MAP3K2: variants seen among roughly 807,000 people sequenced by gnomAD.
MAP3K2 encodes MAP/ERK kinase kinase 2.
MAP3K2 carries 24 observed loss-of-function variants against 80.3 expected under a neutral mutation model. The observed-to-expected ratio is 0.30, with a 90% CI of 0.22 to 0.42. The LOEUF (loss-of-function observed/expected upper bound fraction) is 0.42, where lower values mean the gene tolerates loss of function less well. Ranked by LOEUF, MAP3K2 falls within the 10% of genes least tolerant of loss-of-function variation. The probability of loss-of-function intolerance (pLI) is 1.00; values close to 1 mark genes in which losing one functional copy is unlikely to be tolerated. For missense variants in MAP3K2, 608 were observed against 750.1 expected (o/e 0.81, Z 2.21); for synonymous variants, 244 against 253.7 (o/e 0.96, Z 0.36).
rs931956808 is a variant in MAP3K2, at chr2:127,304,948, A to G, written c.*2631T>C. The G allele has an allele frequency of 6.6e-6, 1 of 152,654 alleles. No homozygotes were observed. The allele number at this position is 152,654 out of a possible 1,614,324, so 9.5% of individuals were successfully genotyped here. The stretch of plus-strand genomic sequence containing the variant: ...TTAGTCTATTTTTAAGTCTTTACAT[A>G]AAGAACATTACTTTCCCATAGCTAA... On this transcript the variant is annotated 3_prime_UTR_variant, in exon 17 of 17. Transcript: ENST00000682094.
At chr2:127,388,071 C>T (rs1218640289), upstream of MAP3K2, 32 of 983,918 alleles carry the variant, frequency 3.3e-5, no homozygotes, top group East Asian at 1.1e-4. Context: ...GCGCGCCCGG[C>T]CCAGGGGAGT....
chr2:127,351,955 C>A (rs1034648472), intron 1 of MAP3K2, among the ~76,000 whole-genome samples: 52 of 152,024 alleles, frequency 3.4e-4, no homozygotes, highest in African/African-American at 1.3e-3. Context: ...TGGCTCGCTG[C>A]AGCCTTGACC....
rs114237520 is a variant in MAP3K2, at chr2:127,348,595, T to C, written c.-65-5401A>G. 7.7e-3 allele frequency among the ~76,000 whole-genome samples: 1,174 copies of C among 152,078 alleles called. 28 individuals carry two copies. Among genetic ancestry groups the C allele is most frequent in the African/African-American group, 0.027 (1,130 of 41,428 alleles). ...TTTCCTAAAGCCAGGGTATGGGAAA[T>C]GGGGAATGACTGTGAATGAGTATGA... is the stretch of plus-strand genomic sequence containing the variant. On this transcript the variant is annotated intron_variant, in intron 1 of 16. Transcript: ENST00000682094.
chr2:127,356,281 T>G (rs1423851503), intron 1 of MAP3K2, among the ~76,000 whole-genome samples: 2 of 152,192 alleles, frequency 1.3e-5, no homozygotes, highest in African/African-American at 4.8e-5. Context: ...TTGATCCGAT[T>G]GATCAGAACA....
chr2:127,311,770 A>C (rs979893663), intron 15 of MAP3K2, among the ~76,000 whole-genome samples: 4 of 152,196 alleles, frequency 2.6e-5, no homozygotes, highest in Non-Finnish European at 4.4e-5. Context: ...ATATTATCAA[A>C]TATATAGTCG....
intron 1 of MAP3K2, among the ~76,000 whole-genome samples, chr2:127,380,972 T>A (rs1364387266): frequency 6.6e-6 from 1 of 152,252 alleles, no homozygotes; most frequent in Non-Finnish European, 1.5e-5. Flanking sequence ...TATTCATAAA[T>A]GTTTACTAAA....
In MAP3K2 at chr2:127,299,852, C is replaced by A. The variant is rs1282328869; in HGVS notation, c.*7727G>T. The A allele has an allele frequency of 6.6e-6, 1 of 151,918 alleles. No homozygotes were observed. Among genetic ancestry groups the A allele is most frequent in the Admixed American group, 6.6e-5 (1 of 15,264 alleles). The allele number at this position is 151,918 out of a possible 1,614,324, so 9.4% of individuals were successfully genotyped here. A position where few individuals can be genotyped will look rare whatever the true frequency, so the allele number is the denominator to read the frequency against. ...TTTTATATATATTTAATTATCACAA[C>A]TAAACAGTACCCTTATAAAACAAGT... On this transcript the variant is annotated 3_prime_UTR_variant, in exon 17 of 17. Coordinates refer to ENST00000682094, the MANE Select transcript of MAP3K2 (RefSeq NM_001371910.2).
intron 1 of MAP3K2, among the ~76,000 whole-genome samples, chr2:127,379,250 T>C (rs150041725): frequency 1.3e-4 from 20 of 152,334 alleles, no homozygotes; most frequent in Admixed American, 1.3e-3. Flanking sequence ...AGCTTCTTTG[T>C]ACATCAAAAT....
chr2:127,335,903 T>G lies in MAP3K2; in HGVS notation c.231A>C (p.Gly77=), dbSNP rs1304756889. Residue 77 remains glycine (G), a synonymous_variant, in exon 5 of 17, where the codon GGA becomes GGC. Coordinates refer to ENST00000682094, the MANE Select transcript of MAP3K2 (RefSeq NM_001371910.2). ...DLRSKAKIAF[G]QSMDLHYTNN... ...TGGTATAATGTAGATCCATAGACTG[T>G]CCAAAGGCAATTTTAGCTTTAGATC... 1.3e-6 allele frequency: 2 copies of G among 1,574,186 alleles called. No individual in the cohort carries two copies. Among genetic ancestry groups the G allele is most frequent in the Admixed American group, 3.7e-5 (2 of 54,582 alleles).
intron 1 of MAP3K2, among the ~76,000 whole-genome samples, chr2:127,377,749 A>C (rs72848618): frequency 0.26 from 39,567 of 152,160 alleles, 5,347 homozygotes; most frequent in Middle Eastern, 0.31. Flanking sequence ...ATTGTATGAT[A>C]GCTTCAATGC....
chr2:127,325,157 C>T (rs1573984663), intron 9 of MAP3K2, among the ~76,000 whole-genome samples: 1 of 152,088 alleles, frequency 6.6e-6, no homozygotes, highest in South Asian at 2.1e-4. Context: ...CCTTCAAACA[C>T]ACAATTTTGA....
chr2:127,333,564 G>T (rs182613669), intron 5 of MAP3K2, among the ~76,000 whole-genome samples: 1 of 152,244 alleles, frequency 6.6e-6, no homozygotes, highest in Non-Finnish European at 1.5e-5. Flanking sequence ...CCAAGATCAT[G>T]CATTTGGTTT....
intron 8 of MAP3K2, 107 bp downstream of exon 8, chr2:127,326,580 T>C: frequency 1.4e-6 from 1 of 715,444 alleles, no homozygotes. Flanking sequence ...AGAAGATATG[T>C]AATTAGAGAA....
At chr2:127,353,274 C>T (rs2104862617) in intron 1 of MAP3K2, among the ~76,000 whole-genome samples, 1 of 152,194 alleles carries the variant, frequency 6.6e-6, no homozygotes, top group East Asian at 1.9e-4. Context: ...GCCCGGCCGC[C>T]CATCGTCTGA....
chr2:127,354,898 T>A (rs1446197926), intron 1 of MAP3K2, among the ~76,000 whole-genome samples: 1 of 151,892 alleles, frequency 6.6e-6, no homozygotes, highest in East Asian at 1.9e-4. Context: ...TTAAATGAAA[T>A]TTTTACAGAT....
chr2:127,362,994 T>TA (rs1441457983), intron 1 of MAP3K2, among the ~76,000 whole-genome samples: 3 of 151,852 alleles, frequency 2.0e-5, no homozygotes, highest in African/African-American at 4.8e-5. Context: ...AATGCAACAA[T>TA]AAAAAAACAC....
intron 1 of MAP3K2, among the ~76,000 whole-genome samples, chr2:127,384,915 G>C (rs1687317184): frequency 1.3e-5 from 2 of 152,096 alleles, no homozygotes; most frequent in Admixed American, 1.3e-4. Flanking sequence ...GGGATTATAA[G>C]CGTGACCCCA....
chr2:127,324,240 C>G lies in MAP3K2; in HGVS notation c.679G>C (p.Glu227Gln). 6.5e-7 allele frequency: 1 copy of G among 1,534,722 alleles called. No homozygotes were observed. The highest frequency in any genetic ancestry group is 8.8e-7 in the Non-Finnish European group (1 of 1,138,392). ...CPSLDSPLDG[E>Q]SYPKSRMPRA... The stretch of plus-strand genomic sequence containing the variant: ...GGCATTCGTGATTTTGGATAGCTCT[C>G]TCTATAAAGAAAAAACATCACATTA... The change falls in exon 10 of 17, where the codon GAG (glutamate) becomes CAG (glutamine). Residue 227 changes from glutamate (E) to glutamine (Q), a missense_variant and splice_region_variant. Around this residue, in one of 4 missense-constraint regions of MAP3K2, gnomAD observed 467 missense variants for 521.9 expected, o/e 0.89. Transcript: ENST00000682094.
chr2:127,305,339 C>T lies in MAP3K2; in HGVS notation c.*2240G>A, dbSNP rs990184419. ...ACACACTTGGGGATTCTTTCTAGAACAAAATTTGGCAGTTGCTTTACCAAG... is the reference window on the plus strand; with the variant it reads ...ACACACTTGGGGATTCTTTCTAGAATAAAATTTGGCAGTTGCTTTACCAAG... On this transcript the variant is annotated 3_prime_UTR_variant, in exon 17 of 17. Transcript: ENST00000682094. The T allele has an allele frequency of 3.5e-4, 53 of 152,272 alleles. No individual in the cohort carries two copies. Among genetic ancestry groups the T allele is most frequent in the African/African-American group, 1.2e-3 (51 of 41,574 alleles). 9.4% of individuals were successfully genotyped at this position (152,272 alleles called of 1,614,324 possible). A position where few individuals can be genotyped will look rare whatever the true frequency, so the allele number is the denominator to read the frequency against.
Sources: gnomAD v4.1 joint callset for allele counts (sites outside exome capture counted in the v4.1 genomes callset) on GRCh38, gnomAD v4.1.1 for gene constraint, gnomAD v4.1.1 regional missense constraint, MANE v1.5 for transcripts, NCBI Gene and HGNC (gene_info 2026-07-23, HGNC 2026-07-21) for gene names.